The following PDGFD variants were observed in gnomAD, a reference collection of about 807,000 sequenced individuals.
PDGFD encodes platelet derived growth factor D.
A neutral mutation model predicts 44.7 loss-of-function variants in PDGFD; 30 were observed. The observed-to-expected ratio is 0.67, with a 90% CI of 0.50 to 0.91. The LOEUF is 0.91. PDGFD is among the 40% of genes least tolerant of loss of function. The probability of loss-of-function intolerance (pLI) is 0.00; values close to 1 mark genes in which losing one functional copy is unlikely to be tolerated. For synonymous variants in PDGFD, 173 were observed against 168.4 expected (o/e 1.03, Z -0.21); for missense variants, 445 against 457.8 (o/e 0.97, Z 0.25).
chr11:104,144,692 C>A (rs2119885651), intron 1 of PDGFD, among the ~76,000 whole-genome samples: 1 of 152,214 alleles, frequency 6.6e-6, no homozygotes, highest in African/African-American at 2.4e-5. Flanking sequence ...TAAAAATAGA[C>A]AAAAGGTATC....
At chr11:104,148,879 AATGGCCTCC>A (rs1472959983) in intron 1 of PDGFD, among the ~76,000 whole-genome samples, 1 of 152,170 alleles carries the variant, frequency 6.6e-6, no homozygotes, top group East Asian at 1.9e-4. Flanking sequence ...TGCTAAGGAT[AATGGCCTCC>A]AGCTTTACCC....
intron 6 of PDGFD, among the ~76,000 whole-genome samples, chr11:103,923,648 G>A (rs1241767002): frequency 6.6e-6 from 1 of 152,180 alleles, no homozygotes; most frequent in Non-Finnish European, 1.5e-5. Context: ...CTAGGCTCAA[G>A]CAACCCCCAC....
chr11:104,004,697 C>T (rs1301033446), intron 1 of PDGFD, among the ~76,000 whole-genome samples: 1 of 152,054 alleles, frequency 6.6e-6, no homozygotes, highest in Non-Finnish European at 1.5e-5. Context: ...CCTGAACAAA[C>T]AAAATATGCA....
chr11:104,050,174 A>C (rs1860509578), intron 1 of PDGFD, among the ~76,000 whole-genome samples: 1 of 152,116 alleles, frequency 6.6e-6, no homozygotes, highest in South Asian at 2.1e-4. Context: ...ATGAGGGAGG[A>C]ACTGGGCTCT....
intron 5 of PDGFD, among the ~76,000 whole-genome samples, chr11:103,930,650 C>A (rs989373822): frequency 2.0e-5 from 3 of 151,954 alleles, no homozygotes; most frequent in Admixed American, 1.3e-4. Flanking sequence ...CATTATGAGC[C>A]CAGTGTAAAG....
At chr11:103,973,766 G>A (rs374539437) in intron 3 of PDGFD, among the ~76,000 whole-genome samples, 8 of 152,132 alleles carry the variant, frequency 5.3e-5, no homozygotes, top group East Asian at 1.9e-4. Flanking sequence ...CTATGAACAT[G>A]CCCCACATAA....
chr11:104,036,894 C>G (rs17851869), intron 1 of PDGFD: 1 of 1,614,174 alleles, frequency 6.2e-7, no homozygotes, highest in South Asian at 1.1e-5. Context: ...TCAGCCCCGA[C>G]TTTGAGCTCC....
chr11:103,949,805 G>A (rs961892352), intron 3 of PDGFD, among the ~76,000 whole-genome samples: 39 of 152,152 alleles, frequency 2.6e-4, no homozygotes, highest in African/African-American at 8.9e-4. Flanking sequence ...GGTTGTACCT[G>A]GGGAGAAAGT....
chr11:104,156,272 G>A (rs1162180991), intron 1 of PDGFD, among the ~76,000 whole-genome samples: 4 of 152,106 alleles, frequency 2.6e-5, no homozygotes, highest in East Asian at 1.9e-4. Flanking sequence ...GTGGGATTGC[G>A]TGAGCACAGG....
At position 104,000,216 on chromosome 11, in the gene PDGFD, G is replaced by A; in HGVS notation, c.164C>T (p.Thr55Ile). The change falls in exon 2 of 7, where the codon ACC becomes ATC. Residue 55 changes from threonine to isoleucine, a missense_variant. Coordinates refer to ENST00000393158, the MANE Select transcript of PDGFD (RefSeq NM_025208.5). The stretch of plus-strand genomic sequence containing the variant: ...GTAGCCGTTTCCTTTCACCTGGATG[G>A]TCTCATCTCTTCGGTACAAGTCTGT... The part of the protein sequence containing the change: ...HLTDLYRRDE[T>I]IQVKGNGYVQ... The A allele has an allele frequency of 6.2e-7, 1 of 1,614,006 alleles. No individual in the cohort carries two copies. Among genetic ancestry groups the A allele is most frequent in the Non-Finnish European group, 8.5e-7 (1 of 1,179,984 alleles).
At chr11:103,920,375 A>G (rs1344322220) in intron 6 of PDGFD, among the ~76,000 whole-genome samples, 3 of 152,264 alleles carry the variant, frequency 2.0e-5, no homozygotes, top group Non-Finnish European at 2.9e-5. Context: ...ATTATTGACT[A>G]CATGTTCAGC....
intron 1 of PDGFD, among the ~76,000 whole-genome samples, chr11:104,107,204 G>A (rs1209318971): frequency 2.0e-5 from 3 of 152,158 alleles, no homozygotes; most frequent in South Asian, 2.1e-4. Context: ...CAAAGAGACC[G>A]AATCACATGT....
intron 1 of PDGFD, among the ~76,000 whole-genome samples, chr11:104,151,701 A>G (rs1247456840): frequency 6.6e-6 from 1 of 152,186 alleles, no homozygotes; most frequent in Non-Finnish European, 1.5e-5. Flanking sequence ...TCGAACACAC[A>G]AAAGAAAACA....
intron 1 of PDGFD, among the ~76,000 whole-genome samples, chr11:104,016,601 G>A (rs1473567366): frequency 6.6e-6 from 1 of 152,198 alleles, no homozygotes; most frequent in East Asian, 1.9e-4. Flanking sequence ...AGAGAAGTTG[G>A]AGTGGCAAAC....
chr11:104,059,270 C>T (rs543093589), intron 1 of PDGFD, among the ~76,000 whole-genome samples: 1 of 152,232 alleles, frequency 6.6e-6, no homozygotes, highest in Admixed American at 6.5e-5. Context: ...GTCTGACATT[C>T]CTAAGCAAAT....
chr11:103,979,826 A>AT (rs957118379), intron 3 of PDGFD, among the ~76,000 whole-genome samples: 30 of 152,142 alleles, frequency 2.0e-4, no homozygotes, highest in Admixed American at 8.5e-4. Flanking sequence ...GCATATATAC[A>AT]TTTTTTTGTT....
At chr11:104,075,031 G>A (rs1034569091) in intron 1 of PDGFD, among the ~76,000 whole-genome samples, 1 of 152,186 alleles carries the variant, frequency 6.6e-6, no homozygotes, top group Non-Finnish European at 1.5e-5. Context: ...TAAGAAAGCT[G>A]AGAAATGTGT....
At chr11:104,017,504 A>C (rs1328864179) in intron 1 of PDGFD, among the ~76,000 whole-genome samples, 1 of 152,148 alleles carries the variant, frequency 6.6e-6, no homozygotes, top group Non-Finnish European at 1.5e-5. Context: ...CTAACACTCA[A>C]CATATTCTTC....
chr11:104,010,524 C>A (rs1859768275), intron 1 of PDGFD, among the ~76,000 whole-genome samples: 2 of 151,998 alleles, frequency 1.3e-5, no homozygotes, highest in South Asian at 4.1e-4. Flanking sequence ...CGATCATATT[C>A]TTTCCTTCAA....
Sources: gnomAD v4.1 joint callset for allele counts (sites outside exome capture counted in the v4.1 genomes callset) on GRCh38, gnomAD v4.1.1 for gene constraint, MANE v1.5 for transcripts, NCBI Gene and HGNC (gene_info 2026-07-23, HGNC 2026-07-21) for gene names.